Variants in ERBIN observed in about 807,000 individuals in gnomAD.
ERBIN encodes densin-180-like protein.
A neutral mutation model predicts 158.4 loss-of-function variants in ERBIN; 60 were observed. The observed-to-expected ratio is 0.38, with a 90% CI of 0.31 to 0.47. The LOEUF (loss-of-function observed/expected upper bound fraction) is 0.47. Ranked by LOEUF, ERBIN falls within the 20% of genes least tolerant of loss-of-function variation. The probability of loss-of-function intolerance (pLI) is 0.99; values close to 1 mark genes in which losing one functional copy is unlikely to be tolerated. For missense variants in ERBIN, 1,610 were observed against 1,648.0 expected (o/e 0.98, Z 0.40); for synonymous variants, 594 against 557.2 (o/e 1.07, Z -0.93).
At chr5:66,000,833 A>G (rs1049473474) in intron 4 of ERBIN, among the ~76,000 whole-genome samples, 2 of 152,172 alleles carry the variant, frequency 1.3e-5, no homozygotes, top group African/African-American at 4.8e-5. Context: ...ACAAGAGACT[A>G]TGATAGTGTC....
intron 19 of ERBIN, among the ~76,000 whole-genome samples, chr5:66,049,123 AT>A (rs1758765546): frequency 6.6e-6 from 1 of 152,084 alleles, no homozygotes; most frequent in African/African-American, 2.4e-5. Flanking sequence ...CTAATGAAGG[AT>A]TTTTGCATCA....
At chr5:65,972,013 C>G (rs1749304720) in intron 1 of ERBIN, among the ~76,000 whole-genome samples, 1 of 152,116 alleles carries the variant, frequency 6.6e-6, no homozygotes, top group South Asian at 2.1e-4. Context: ...CCTATAAGGG[C>G]TGCAGTTTTA....
In ERBIN at chr5:65,949,030, C is replaced by G. The variant is rs141500892; in HGVS notation, c.-58+22224C>G. On this transcript the variant is annotated intron_variant, in intron 1 of 25. Coordinates refer to ENST00000284037, the MANE Select transcript of ERBIN (RefSeq NM_001253697.2). ...CCATCCGCCTTGGCCTCCCAGAGTT[C>G]TAGGATTACAGGTTTGAGCCACCGT... is the stretch of plus-strand genomic sequence containing the variant. Among the ~76,000 whole-genome samples the G allele has an allele frequency of 7.4e-4, 112 of 152,122 alleles. 1 individual carries two copies. The East Asian group carries it at 0.016, about 22-fold the overall frequency.
Position 65,992,746 on chromosome 5 carries a change from C to A in ERBIN, c.28C>A (p.Arg10=). 6.3e-7 allele frequency: 1 copy of A among 1,599,442 alleles called. No homozygotes were observed. The highest frequency in any genetic ancestry group is 1.1e-5 in the South Asian group (1 of 87,530). Residue 10 remains arginine (R), a synonymous_variant, in exon 3 of 26, where the codon CGG becomes AGG. Transcript: ENST00000284037. MTTKRSLFV[R]LVPCRCLRGE... is the part of the protein sequence containing the mutation. ...GACTACAAAACGAAGTTTGTTTGTG[C>A]GGTTGGTACCATGTCGCTGTCTACG... is the stretch of plus-strand genomic sequence containing the variant.
intron 1 of ERBIN, among the ~76,000 whole-genome samples, chr5:65,941,965 C>T (rs1016243218): frequency 6.6e-6 from 1 of 152,176 alleles, no homozygotes; most frequent in African/African-American, 2.4e-5. Flanking sequence ...TGGTCTCGAT[C>T]TCCTGACCTC....
chr5:66,003,923 C>CTTTTTTT (rs35063438), intron 4 of ERBIN, among the ~76,000 whole-genome samples: 1 of 62,642 alleles, frequency 1.6e-5, no homozygotes, highest in Non-Finnish European at 2.9e-5. Context: ...GAGCAGCAGT[C>CTTTTTTT]TTTTTTTTTT....
rs748189240 is a variant in ERBIN at position 66,028,309 on chromosome 5, A to G, written c.1172A>G (p.Gln391Arg). The G allele has an allele frequency of 2.5e-6, 4 of 1,612,888 alleles. No homozygotes were observed. In the South Asian group the frequency reaches 4.4e-5, roughly 18 times the overall value. ...TTACCCTTTAGCTTTACAAAGCTAC[A>G]GCAATTGACAGCTATGTGGCTCTCA... is the stretch of plus-strand genomic sequence containing the variant. The part of the protein sequence containing the change: ...KNLPFSFTKL[Q>R]QLTAMWLSDN... The change falls in exon 14 of 26, where the codon CAG becomes CGG. Residue 391 changes from glutamine (Q) to arginine (R), a missense_variant. This residue lies in a region of ERBIN where 596 missense variants were observed against 711.9 expected (regional missense o/e 0.84). Transcript: ENST00000284037.
chr5:66,036,144 T>A (rs1561406161), intron 14 of ERBIN, among the ~76,000 whole-genome samples: 1 of 152,150 alleles, frequency 6.6e-6, no homozygotes, highest in Admixed American at 6.5e-5. Context: ...CTCATTTTTG[T>A]CTTACCTTAC....
Position 66,054,755 on chromosome 5 carries a change from G to A in ERBIN, c.3437G>A (p.Arg1146Gln), listed in dbSNP as rs779900837. 2.9e-5 allele frequency: 46 copies of A among 1,613,912 alleles called. No individual in the cohort carries two copies. The highest frequency in any genetic ancestry group is 3.7e-5 in the Non-Finnish European group (44 of 1,180,010). The change falls in exon 21 of 26, where the codon CGA becomes CAA. Residue 1146 changes from arginine to glutamine, a missense_variant. This residue lies in a region of ERBIN where 1,014 missense variants were observed against 936.1 expected (regional missense o/e 1.08). Transcript: ENST00000284037. Reference protein sequence around the residue: ...GPNASRPQSARPSINEIPERT... With the variant: ...GPNASRPQSAQPSINEIPERT... Reference sequence around the variant, plus strand: ...AATGCATCAAGACCTCAGAGTGCTCGACCCTCTATTAATGAAATACCAGAG... The same window carrying A: ...AATGCATCAAGACCTCAGAGTGCTCAACCCTCTATTAATGAAATACCAGAG...
intron 1 of ERBIN, among the ~76,000 whole-genome samples, chr5:65,987,304 G>C (rs1751337749): frequency 6.6e-6 from 1 of 151,576 alleles, no homozygotes; most frequent in Non-Finnish European, 1.5e-5. Flanking sequence ...AGGCTGAATT[G>C]AGTGGGAGGA....
intron 1 of ERBIN, among the ~76,000 whole-genome samples, chr5:65,944,785 T>C (rs1005960080): frequency 6.6e-6 from 1 of 152,202 alleles, no homozygotes; most frequent in Non-Finnish European, 1.5e-5. Flanking sequence ...TGTATATCTT[T>C]GGAGAAATGA....
chr5:66,005,950 C>T (rs1443178900), intron 4 of ERBIN, among the ~76,000 whole-genome samples: 1 of 152,042 alleles, frequency 6.6e-6, no homozygotes, highest in African/African-American at 2.4e-5. Flanking sequence ...GAATCAATAT[C>T]GTGAAAATGG....
intron 21 of ERBIN, among the ~76,000 whole-genome samples, chr5:66,058,423 T>C (rs1457566813): frequency 2.0e-5 from 3 of 152,070 alleles, no homozygotes; most frequent in Admixed American, 2.0e-4. Context: ...TCATTGTAGA[T>C]TCTGGATATT....
intron 1 of ERBIN, among the ~76,000 whole-genome samples, chr5:65,980,987 G>A (rs1580240535): frequency 6.6e-6 from 1 of 152,288 alleles, no homozygotes; most frequent in East Asian, 1.9e-4. Context: ...CCCAAGAGAG[G>A]CAGTATGTGA....
At chr5:65,978,156 G>T (rs1376745618) in intron 1 of ERBIN, among the ~76,000 whole-genome samples, 1 of 152,104 alleles carries the variant, frequency 6.6e-6, no homozygotes, top group East Asian at 1.9e-4. Context: ...TCTATGCTAG[G>T]AACAGGTGAA....
chr5:66,074,795 A>T (rs1028299512), intron 22 of ERBIN, among the ~76,000 whole-genome samples: 3 of 152,214 alleles, frequency 2.0e-5, no homozygotes, highest in East Asian at 1.9e-4. Flanking sequence ...TTGAAAGCTT[A>T]AAAAAGTGAG....
At chr5:65,970,351 A>T (rs1226058007) in intron 1 of ERBIN, among the ~76,000 whole-genome samples, 1 of 152,136 alleles carries the variant, frequency 6.6e-6, no homozygotes, top group African/African-American at 2.4e-5. Flanking sequence ...GTCAAAGTCT[A>T]TATTACTTAG....
intron 1 of ERBIN, among the ~76,000 whole-genome samples, chr5:65,979,832 G>A (rs966833243): frequency 3.3e-5 from 5 of 152,162 alleles, no homozygotes; most frequent in African/African-American, 1.2e-4. Context: ...ACAGTGGATA[G>A]CACAAAGACA....
intron 1 of ERBIN, among the ~76,000 whole-genome samples, chr5:65,944,622 C>CT (rs1745512744): frequency 6.6e-6 from 1 of 152,128 alleles, no homozygotes; most frequent in South Asian, 2.1e-4. Context: ...CCAGGCTGGT[C>CT]TTGAACTCTT....
Sources: gnomAD v4.1 joint callset for allele counts (sites outside exome capture counted in the v4.1 genomes callset) on GRCh38, gnomAD v4.1.1 for gene constraint, gnomAD v4.1.1 regional missense constraint, MANE v1.5 for transcripts, NCBI Gene and HGNC (gene_info 2026-07-23, HGNC 2026-07-21) for gene names.